The following CRIM1 variants were observed in gnomAD, a reference collection of about 807,000 sequenced individuals.
CRIM1 encodes cysteine rich transmembrane BMP regulator 1, also known as cysteine-rich motor neuron 1 protein.
CRIM1 carries 32 observed loss-of-function variants against 116.4 expected under a neutral mutation model. The observed-to-expected ratio is 0.27, with a 90% CI of 0.21 to 0.37. CRIM1 has a LOEUF of 0.37. Ranked by LOEUF, CRIM1 falls within the 10% of genes least tolerant of loss-of-function variation. The pLI is 1.00. For synonymous variants in CRIM1, 590 were observed against 509.2 expected, an observed-to-expected ratio of 1.16 and a Z score of -2.13; for missense variants, 1,331 against 1,354.8, an observed-to-expected ratio of 0.98 and a Z score of 0.28.
In CRIM1 at chr2:36,479,711, C is replaced by G. The variant is rs200101305; in HGVS notation, c.1372+17C>G. ...TGTGCGAAGGTAAATCTTGCAGATG[C>G]TAATGAGTCCCTGGTGAATGTCTTC... On this transcript the variant is annotated intron_variant, in intron 7 of 16. Transcript: ENST00000280527. The G allele has an allele frequency of 9.9e-6, 16 of 1,609,076 alleles. No homozygotes were observed. In the East Asian group the frequency reaches 3.1e-4, roughly 31 times the overall value.
In CRIM1 at chr2:36,400,122, G is replaced by T. The variant is rs904375174; in HGVS notation, c.505+3335G>T. Among the ~76,000 whole-genome samples the T allele has an allele frequency of 2.0e-5, 3 of 151,854 alleles. No homozygotes were observed. In the East Asian group the frequency reaches 5.8e-4, roughly 29 times the overall value. Reference sequence around the variant, plus strand: ...CATGGGGATTGATGATTATATAAGAGAACTTTATGGTGATTGACCATTTAA... The same window carrying T: ...CATGGGGATTGATGATTATATAAGATAACTTTATGGTGATTGACCATTTAA... On this transcript the variant is annotated intron_variant, in intron 2 of 16. Transcript: ENST00000280527.
At chr2:36,399,529 G>C (rs1439089846) in intron 2 of CRIM1, among the ~76,000 whole-genome samples, 1 of 152,186 alleles carries the variant, frequency 6.6e-6, no homozygotes, top group Non-Finnish European at 1.5e-5. Flanking sequence ...TTTCTAACCT[G>C]AAATAGAATG....
intron 1 of CRIM1, among the ~76,000 whole-genome samples, chr2:36,383,598 GCA>G (rs888672974): frequency 1.8e-4 from 28 of 152,324 alleles, no homozygotes; most frequent in Admixed American, 1.4e-3. Context: ...TGTGTGTTCA[GCA>G]CAGAGTGAGT....
chr2:36,365,736 G>GTTTTT (rs756853852), intron 1 of CRIM1, among the ~76,000 whole-genome samples: 14 of 137,618 alleles, frequency 1.0e-4, no homozygotes, highest in Admixed American at 1.4e-4. Flanking sequence ...CTATGTTTGT[G>GTTTTT]TTTTTTTTTT....
At chr2:36,403,672 T>C (rs1398052142) in intron 2 of CRIM1, among the ~76,000 whole-genome samples, 2 of 152,006 alleles carry the variant, frequency 1.3e-5, no homozygotes, top group Non-Finnish European at 2.9e-5. Flanking sequence ...GACTTCCAGA[T>C]TGTGGGAGGA....
At chr2:36,390,738 T>G (rs564095344) in intron 1 of CRIM1, among the ~76,000 whole-genome samples, 3 of 152,130 alleles carry the variant, frequency 2.0e-5, no homozygotes, top group Non-Finnish European at 2.9e-5. Context: ...AAGCAAAATT[T>G]TCAGCCTTTT....
chr2:36,365,864 G>C (rs1303986229), intron 1 of CRIM1, among the ~76,000 whole-genome samples: 1 of 151,920 alleles, frequency 6.6e-6, no homozygotes, highest in Admixed American at 6.6e-5. Context: ...CTCCTGAGTA[G>C]CTGGGATTAC....
chr2:36,493,304 G>T (rs1204757468), intron 7 of CRIM1, among the ~76,000 whole-genome samples: 1 of 152,020 alleles, frequency 6.6e-6, no homozygotes, highest in Non-Finnish European at 1.5e-5. Context: ...CTAGAAATTT[G>T]CCTACAAAGA....
At chr2:36,512,524 G>A in intron 10 of CRIM1, 130 bp downstream of exon 10, 1 of 978,112 alleles carries the variant, frequency 1.0e-6, no homozygotes, top group South Asian at 1.9e-5. Context: ...CAGTCTCTGT[G>A]GGACCGTCCC....
intron 7 of CRIM1, among the ~76,000 whole-genome samples, chr2:36,494,702 C>G (rs1217214876): frequency 6.6e-6 from 1 of 152,004 alleles, no homozygotes; most frequent in Non-Finnish European, 1.5e-5. Context: ...TAACAAACAC[C>G]CATTTTTGTT....
chr2:36,392,237 T>G (rs187454446), intron 1 of CRIM1, among the ~76,000 whole-genome samples: 1 of 152,358 alleles, frequency 6.6e-6, no homozygotes, highest in Admixed American at 6.5e-5. Context: ...AATATATTTA[T>G]GAAATTAGGT....
chr2:36,448,850 G>A (rs530064237), intron 4 of CRIM1, among the ~76,000 whole-genome samples: 5 of 152,198 alleles, frequency 3.3e-5, no homozygotes, highest in African/African-American at 1.2e-4. Context: ...TTTCTTCTGG[G>A]TTGTGTGCAT....
intron 2 of CRIM1, among the ~76,000 whole-genome samples, chr2:36,426,878 T>C (rs1436720949): frequency 6.6e-6 from 1 of 152,138 alleles, no homozygotes; most frequent in East Asian, 1.9e-4. Flanking sequence ...ATGACTTTCC[T>C]GAAAATGAGA....
At chr2:36,546,306 A>G (rs1572978384) in intron 15 of CRIM1, among the ~76,000 whole-genome samples, 1 of 152,204 alleles carries the variant, frequency 6.6e-6, no homozygotes, top group African/African-American at 2.4e-5. Context: ...TGTAAGAGAG[A>G]TATTTTAAAA....
At chr2:36,367,425 CCCCTTCATCTCTTA>C (rs1239883547) in intron 1 of CRIM1, among the ~76,000 whole-genome samples, 1 of 152,026 alleles carries the variant, frequency 6.6e-6, no homozygotes, top group African/African-American at 2.4e-5. Flanking sequence ...CTTTTGAATC[CCCCTTCATCTCTTA>C]ATAGCCCAGT....
chr2:36,490,112 C>T (rs1680121509), intron 7 of CRIM1, among the ~76,000 whole-genome samples: 1 of 152,024 alleles, frequency 6.6e-6, no homozygotes, highest in South Asian at 2.1e-4. Flanking sequence ...AATGCTGAAC[C>T]AATTGCCATA....
chr2:36,494,822 T>G (rs575383785), intron 7 of CRIM1, among the ~76,000 whole-genome samples: 2 of 152,344 alleles, frequency 1.3e-5, no homozygotes, highest in African/African-American at 4.8e-5. Context: ...TCCTGCTGTT[T>G]CAAGCCTTCT....
At chr2:36,387,777 AC>A (rs1433203488) in intron 1 of CRIM1, among the ~76,000 whole-genome samples, 2 of 152,230 alleles carry the variant, frequency 1.3e-5, no homozygotes, top group African/African-American at 4.8e-5. Context: ...GCTGTGTGAG[AC>A]TACTCATTAA....
chr2:36,496,262 C>T (rs982095593), intron 7 of CRIM1, among the ~76,000 whole-genome samples: 2 of 152,162 alleles, frequency 1.3e-5, no homozygotes, highest in African/African-American at 2.4e-5. Flanking sequence ...ACCTAGATTT[C>T]TAGCTATATT....
Sources: gnomAD v4.1 joint callset for allele counts (sites outside exome capture counted in the v4.1 genomes callset) on GRCh38, gnomAD v4.1.1 for gene constraint, MANE v1.5 for transcripts, NCBI Gene and HGNC (gene_info 2026-07-23, HGNC 2026-07-21) for gene names.